Variants in MTMR3 observed in about 807,000 individuals in gnomAD.
MTMR3 encodes phosphatidylinositol-3,5-bisphosphate 3-phosphatase MTMR3.
MTMR3 carries 32 observed loss-of-function variants against 132.4 expected under a neutral mutation model. The ratio of observed to expected loss-of-function variants is 0.24; its 90% CI spans 0.18 to 0.32. The LOEUF (loss-of-function observed/expected upper bound fraction) is 0.32, where lower values mean the gene tolerates loss of function less well. Among genes scored for constraint, MTMR3 ranks in the 10% least tolerant of loss-of-function variants. MTMR3 has a pLI of 1.00. For missense variants in MTMR3, 1,216 were observed against 1,489.6 expected (o/e 0.82, Z 3.02); for synonymous variants, 556 against 550.3 (o/e 1.01, Z -0.14).
At chr22:29,949,141 ACACCCCCCCCCC>A (rs1286061994) in intron 1 of MTMR3, among the ~76,000 whole-genome samples, 1 of 17,408 alleles carries the variant, frequency 5.7e-5, no homozygotes, top group East Asian at 1.6e-3. Context: ...ACACACACAC[ACACCCCCCCCCC>A]CCCCCCCGAG....
chr22:30,019,415 A>G (rs901378016), intron 16 of MTMR3, 65 bp from the exon 17 acceptor site: 31 of 1,446,686 alleles, frequency 2.1e-5, no homozygotes, highest in South Asian at 6.4e-5. Flanking sequence ...GTTAAAACCT[A>G]TTGTCTCCTA....
intron 1 of MTMR3, among the ~76,000 whole-genome samples, chr22:29,891,327 G>GTA (rs1448284451): frequency 6.7e-6 from 1 of 148,608 alleles, no homozygotes; most frequent in Non-Finnish European, 1.5e-5. Context: ...ATGTATGTAT[G>GTA]TGTGTGTGTG....
At chr22:29,892,586 G>T (rs1333525595) in intron 1 of MTMR3, among the ~76,000 whole-genome samples, 1 of 152,096 alleles carries the variant, frequency 6.6e-6, no homozygotes, top group African/African-American at 2.4e-5. Context: ...AGAATAAGTT[G>T]CTTTTGATCT....
intron 1 of MTMR3, among the ~76,000 whole-genome samples, chr22:29,908,856 TA>T (rs1456618231): frequency 1.3e-5 from 2 of 152,218 alleles, no homozygotes; most frequent in African/African-American, 4.8e-5. Flanking sequence ...TATTTAGGAA[TA>T]AAAAGTTAAT....
intron 1 of MTMR3, among the ~76,000 whole-genome samples, chr22:29,921,247 A>C (rs916910187): frequency 6.6e-6 from 1 of 152,148 alleles, no homozygotes; most frequent in East Asian, 1.9e-4. Context: ...GGCGAGGGGC[A>C]GCAAAAGAGA....
intron 1 of MTMR3, among the ~76,000 whole-genome samples, chr22:29,935,323 G>A (rs2065727399): frequency 6.6e-6 from 1 of 152,200 alleles, no homozygotes; most frequent in Non-Finnish European, 1.5e-5. Context: ...ACCATTGGGA[G>A]TGGAAGCAGG....
At position 30,019,788 on chromosome 22, in the gene MTMR3, C is replaced by A; in HGVS notation, c.2129C>A (p.Ala710Glu). 6.2e-7 allele frequency: 1 copy of A among 1,614,210 alleles called. No individual in the cohort carries two copies. The highest frequency in any genetic ancestry group is 2.2e-5 in the East Asian group (1 of 44,886). ...GGAGTAGAGGAACCTGCCCACAGGG[C>A]AGGCATTGAGATACAGGAGGGTAAA... ...ESGVEEPAHR[A>E]GIEIQEGKED... The change falls in exon 17 of 20, where the codon GCA (alanine) becomes GAA (glutamate). Residue 710 changes from alanine (A) to glutamate (E), a missense_variant. Around this residue, in one of 7 missense-constraint regions of MTMR3, gnomAD observed 852 missense variants for 852.0 expected, o/e 1.00. Coordinates refer to ENST00000401950, the MANE Select transcript of MTMR3 (RefSeq NM_021090.4).
intron 9 of MTMR3, chr22:30,004,549 C>T (rs938121713): frequency 6.6e-6 from 1 of 152,126 alleles, no homozygotes; most frequent in Non-Finnish European, 1.5e-5. Flanking sequence ...GTTTTCCCCC[C>T]CTTTTTCTAG....
intron 1 of MTMR3, among the ~76,000 whole-genome samples, chr22:29,941,797 A>G (rs889334270): frequency 2.0e-5 from 3 of 152,184 alleles, no homozygotes; most frequent in African/African-American, 7.2e-5. Context: ...TTTAAAATGT[A>G]CAATTCAGTG....
intron 1 of MTMR3, among the ~76,000 whole-genome samples, chr22:29,931,797 T>TTA (rs56147811): frequency 7.7e-4 from 116 of 151,122 alleles, no homozygotes; most frequent in African/African-American, 2.6e-3. Context: ...TTTTTTTTTT[T>TTA]AAAGCAGATT....
intron 1 of MTMR3, among the ~76,000 whole-genome samples, chr22:29,931,585 T>C (rs1285728280): frequency 2.0e-5 from 3 of 152,088 alleles, no homozygotes; most frequent in South Asian, 2.1e-4. Flanking sequence ...CAGCTAACTT[T>C]TGTATTTTTA....
chr22:29,900,208 G>A (rs1034911148), intron 1 of MTMR3, among the ~76,000 whole-genome samples: 1 of 152,036 alleles, frequency 6.6e-6, no homozygotes, highest in African/African-American at 2.4e-5. Context: ...TTCTGGAGAG[G>A]ACAAAGTTTT....
chr22:30,003,252 A>G (rs1333073530), intron 9 of MTMR3: 4 of 338,168 alleles, frequency 1.2e-5, no homozygotes, highest in Non-Finnish European at 2.2e-5. Flanking sequence ...CTATTTCAAT[A>G]TCCTTCTTAC....
chr22:29,913,366 G>A (rs2065249909), intron 1 of MTMR3, among the ~76,000 whole-genome samples: 1 of 152,130 alleles, frequency 6.6e-6, no homozygotes, highest in Non-Finnish European at 1.5e-5. Flanking sequence ...TGTTTCCACT[G>A]GTTACTAATT....
At chr22:29,962,366 C>T (rs1436564913) in intron 2 of MTMR3, among the ~76,000 whole-genome samples, 2 of 152,084 alleles carry the variant, frequency 1.3e-5, no homozygotes, top group African/African-American at 2.4e-5. Flanking sequence ...AGGACCTTTT[C>T]CTCACCTCAG....
At chr22:30,022,550 G>A in intron 18 of MTMR3, 59 bp from the exon 19 acceptor site, 1 of 1,473,564 alleles carries the variant, frequency 6.8e-7, no homozygotes. Flanking sequence ...GCATGGCTCT[G>A]CTGGCTCCAG....
chr22:30,001,904 A>G lies in MTMR3; in HGVS notation c.558-976A>G, dbSNP rs530032666. 4.5e-3 allele frequency: 678 copies of G among 152,302 alleles called. 6 individuals carry two copies. Among genetic ancestry groups the G allele is most frequent in the African/African-American group, 0.015 (640 of 41,542 alleles). The allele number at this position is 152,302 out of a possible 1,614,324, so 9.4% of individuals were successfully genotyped here. A position where few individuals can be genotyped will look rare whatever the true frequency, so the allele number is the denominator to read the frequency against. On this transcript the variant is annotated intron_variant, in intron 8 of 19. Coordinates refer to ENST00000401950, the MANE Select transcript of MTMR3 (RefSeq NM_021090.4). Reference sequence around the variant, plus strand: ...TGGAAATTGAGGAGAGATTTAGTGCAAAATGATCAAAACCCCCAAATCCTA... The same window carrying G: ...TGGAAATTGAGGAGAGATTTAGTGCGAAATGATCAAAACCCCCAAATCCTA...
At chr22:29,931,326 T>A (rs1569010146) in intron 1 of MTMR3, among the ~76,000 whole-genome samples, 1 of 152,260 alleles carries the variant, frequency 6.6e-6, no homozygotes. Flanking sequence ...CAATGACTTT[T>A]GGTTGTTCTG....
chr22:30,021,653 G>A (rs971219486), intron 17 of MTMR3: 12 of 203,212 alleles, frequency 5.9e-5, no homozygotes, highest in African/African-American at 2.8e-4. Context: ...TCTAAGAAAA[G>A]GAGGGCATCC....
Sources: allele counts gnomAD v4.1 joint callset (sites outside exome capture counted in the v4.1 genomes callset), GRCh38; gene constraint gnomAD v4.1.1; regional missense constraint gnomAD v4.1.1; transcripts MANE v1.5; gene names NCBI Gene and HGNC (gene_info 2026-07-23, HGNC 2026-07-21).